Variants in SIPA1L2 observed in about 807,000 individuals in gnomAD.
SIPA1L2 encodes signal induced proliferation associated 1 like 2, also known as signal-induced proliferation-associated 1-like protein 2.
In SIPA1L2, 56 loss-of-function variants were observed where a neutral mutation model predicts 163.9. The ratio of observed to expected loss-of-function variants is 0.34; its 90% CI spans 0.28 to 0.43. The LOEUF is 0.43. Among genes scored for constraint, SIPA1L2 ranks in the 20% least tolerant of loss-of-function variants. SIPA1L2 has a pLI of 1.00. For missense variants in SIPA1L2, 1,974 were observed against 2,193.5 expected (o/e 0.90, Z 2.00); for synonymous variants, 877 against 865.7 (o/e 1.01, Z -0.23).
intron 1 of SIPA1L2, among the ~76,000 whole-genome samples, chr1:232,593,137 C>T (rs892395473): frequency 6.6e-6 from 1 of 152,092 alleles, no homozygotes; most frequent in African/African-American, 2.4e-5. Context: ...TATTGTATCA[C>T]GTATTTACAA....
At position 232,461,107 on chromosome 1, in the gene SIPA1L2, C is replaced by T. The variant is rs763613354; in HGVS notation, c.2875G>A (p.Gly959Ser). The T allele has an allele frequency of 1.2e-5, 20 of 1,614,148 alleles. No homozygotes were observed. The South Asian group carries it at 1.8e-4, about 14-fold the overall frequency. Reference sequence around the variant, plus strand: ...AAATTCACATGGAAGCCAAGCTGGCCCAGCCCGTTCCTCCTCAGGGTCATT... The same window carrying T: ...AAATTCACATGGAAGCCAAGCTGGCTCAGCCCGTTCCTCCTCAGGGTCATT... ...VEMTLRRNGL[G>S]QLGFHVNFEG... The change falls in exon 10 of 23, where the codon GGC becomes AGC. Residue 959 changes from glycine (G) to serine (S), a missense_variant. This residue lies in a region of SIPA1L2 where 1,079 missense variants were observed against 1,150.7 expected (regional missense o/e 0.94). Transcript: ENST00000674635.
At chr1:232,425,521 A>G (rs1429050250) in intron 18 of SIPA1L2, 68 bp downstream of exon 18, 1 of 1,242,700 alleles carries the variant, frequency 8.0e-7, no homozygotes. Context: ...TCAGAGCTCA[A>G]TGAGGCAGGA....
intron 2 of SIPA1L2, among the ~76,000 whole-genome samples, chr1:232,545,948 T>C (rs1158882827): frequency 4.6e-5 from 7 of 152,250 alleles, no homozygotes; most frequent in Non-Finnish European, 1.0e-4. Context: ...GTAAATTATG[T>C]ACAGACCAAG....
chr1:232,403,894 T>C (rs1472363701), intron 20 of SIPA1L2, among the ~76,000 whole-genome samples: 2 of 152,118 alleles, frequency 1.3e-5, no homozygotes, highest in African/African-American at 2.4e-5. Flanking sequence ...TGGCTATGCA[T>C]GAAATAATAG....
intron 3 of SIPA1L2, among the ~76,000 whole-genome samples, chr1:232,506,554 T>C (rs536156043): frequency 1.3e-5 from 2 of 152,334 alleles, no homozygotes; most frequent in African/African-American, 4.8e-5. Flanking sequence ...CAAAAAACGG[T>C]TAAATTGGTA....
In SIPA1L2 at chr1:232,464,888, C is replaced by G; in HGVS notation, c.2772G>C (p.Ser924=). The change falls in exon 9 of 23, where the codon TCG becomes TCC. Residue 924 remains serine (S), a synonymous_variant. Coordinates refer to ENST00000674635, the MANE Select transcript of SIPA1L2 (RefSeq NM_020808.5). ...YERGECVLLS[S]VDNCAEDIRE... is the part of the protein sequence containing the mutation. The stretch of plus-strand genomic sequence containing the variant: ...TGATGTCTTCAGCACAGTTGTCTAC[C>G]GAGGACAGGAGGACACATTCTCCTC... The G allele has an allele frequency of 1.2e-6, 2 of 1,613,470 alleles. No homozygotes were observed. The highest frequency in any genetic ancestry group is 1.7e-6 in the Non-Finnish European group (2 of 1,179,674).
rs775965563 is a variant in SIPA1L2, at chr1:232,491,033, T to G, written c.1647A>C (p.Glu549Asp). The G allele has an allele frequency of 6.2e-7, 1 of 1,613,598 alleles. No homozygotes were observed. Among genetic ancestry groups the G allele is most frequent in the Non-Finnish European group, 8.5e-7 (1 of 1,179,826 alleles). Residue 549 changes from glutamate to aspartate, a missense_variant, in exon 5 of 23, where the codon GAA (glutamate) becomes GAC (aspartate). Glu to Asp is a conservative substitution (Grantham distance 45). Transcript: ENST00000674635. ...GCCTAGCAGTAGAGGGTATAGCATC[T>G]TCTAAAATTGCTCCTCTCAGTGTTG... ...ELTTLRGAIL[E>D]DAIPSTARHG... is the part of the protein sequence containing the mutation.
Position 232,616,318 on chromosome 1 carries a change from T to C in SIPA1L2, c.-319+13551A>G, listed in dbSNP as rs560454554. Among the ~76,000 whole-genome samples the C allele has an allele frequency of 5.3e-5, 8 of 152,322 alleles. 1 individual carries two copies. In the South Asian group the frequency reaches 1.7e-3, roughly 32 times the overall value. ...CAAAGCAGAACCAAACAATTGGCAATGCTAATTCCACAAGACTAGAACAGA... is the reference window on the plus strand; with the variant it reads ...CAAAGCAGAACCAAACAATTGGCAACGCTAATTCCACAAGACTAGAACAGA... On this transcript the variant is annotated intron_variant, in intron 1 of 22. Coordinates refer to ENST00000674635, the MANE Select transcript of SIPA1L2 (RefSeq NM_020808.5).
intron 1 of SIPA1L2, among the ~76,000 whole-genome samples, chr1:232,597,178 T>C (rs1192966912): frequency 1.3e-5 from 2 of 152,084 alleles, no homozygotes; most frequent in African/African-American, 4.8e-5. Flanking sequence ...AAAGGGCACT[T>C]AACCTAACAA....
intron 19 of SIPA1L2, among the ~76,000 whole-genome samples, chr1:232,414,826 C>CT (rs1661155558): frequency 6.6e-6 from 1 of 152,202 alleles, no homozygotes; most frequent in Non-Finnish European, 1.5e-5. Context: ...TGAGGCTGCA[C>CT]GTGAAGCAAG....
chr1:232,456,792 C>T (rs1169784523), intron 10 of SIPA1L2, among the ~76,000 whole-genome samples: 1 of 152,184 alleles, frequency 6.6e-6, no homozygotes, highest in African/African-American at 2.4e-5. Flanking sequence ...ATCTTTGCCA[C>T]AGAGACTGTC....
In SIPA1L2 at chr1:232,398,954, G is replaced by A. The variant is rs75384459; in HGVS notation, c.*173C>T. On this transcript the variant is annotated 3_prime_UTR_variant, in exon 23 of 23. Transcript: ENST00000674635. Reference sequence around the variant, plus strand: ...TCACATCGGCGCTGCTCTCTGCCGTGGTTACCGAGAAAGAGTCGAGGCTCC... The same window carrying A: ...TCACATCGGCGCTGCTCTCTGCCGTAGTTACCGAGAAAGAGTCGAGGCTCC... 2.1e-4 allele frequency: 164 copies of A among 783,116 alleles called. No individual in the cohort carries two copies. The African/African-American group carries it at 2.5e-3, about 12-fold the overall frequency. The allele number at this position is 783,116 out of a possible 1,614,324, so 48.5% of individuals were successfully genotyped here.
chr1:232,493,498 C>A, intron 4 of SIPA1L2, 29 bp downstream of exon 4: 1 of 1,613,372 alleles, frequency 6.2e-7, no homozygotes, highest in Non-Finnish European at 8.5e-7. Flanking sequence ...AGACTTTAGC[C>A]CAATAACTAC....
At chr1:232,619,256 T>C (rs192826369) in intron 1 of SIPA1L2, among the ~76,000 whole-genome samples, 5 of 152,364 alleles carry the variant, frequency 3.3e-5, no homozygotes, top group African/African-American at 9.6e-5. Flanking sequence ...TCTATCTTCC[T>C]TGAATGTTTT....
intron 1 of SIPA1L2, among the ~76,000 whole-genome samples, chr1:232,606,121 T>C (rs751654538): frequency 3.3e-5 from 5 of 152,242 alleles, no homozygotes; most frequent in Admixed American, 6.5e-5. Flanking sequence ...TACAATTTGA[T>C]AGATACTAAA....
In SIPA1L2 at chr1:232,445,580, G is replaced by T; in HGVS notation, c.3302C>A (p.Ala1101Asp). 6.2e-7 allele frequency: 1 copy of T among 1,614,002 alleles called. No individual in the cohort carries two copies. Among genetic ancestry groups the T allele is most frequent in the African/African-American group, 1.3e-5 (1 of 75,042 alleles). Residue 1101 changes from alanine to aspartate, a missense_variant, in exon 11 of 23, where the codon GCT (alanine) becomes GAT (aspartate). Ala to Asp is a moderately radical substitution (Grantham distance 126). Around this residue, in one of 3 missense-constraint regions of SIPA1L2, gnomAD observed 1,079 missense variants for 1,150.7 expected, o/e 0.94. Coordinates refer to ENST00000674635, the MANE Select transcript of SIPA1L2 (RefSeq NM_020808.5). ...PCQQLLQQAQ[A>D]AIPRSTSFDR... is the part of the protein sequence containing the mutation. ...GAAGGAGGTGCTTCGAGGAATGGCA[G>T]CCTGGGCCTGCTGGAGCAGCTGTTG...
intron 7 of SIPA1L2, among the ~76,000 whole-genome samples, chr1:232,476,386 A>T (rs1665049018): frequency 6.6e-6 from 1 of 152,214 alleles, no homozygotes; most frequent in African/African-American, 2.4e-5. Flanking sequence ...GCATACATTA[A>T]AAAATAGGTT....
chr1:232,523,481 G>A (rs1667547298), intron 2 of SIPA1L2, among the ~76,000 whole-genome samples: 1 of 152,004 alleles, frequency 6.6e-6, no homozygotes, highest in African/African-American at 2.4e-5. Flanking sequence ...TTATGTCTGA[G>A]GAAAACACAG....
At chr1:232,462,476 TACC>T in intron 9 of SIPA1L2, 9 of 992,820 alleles carry the variant, frequency 9.1e-6, no homozygotes, top group South Asian at 1.9e-5. Context: ...TTTCCATGGT[TACC>T]ACAAGTGCAC....
Sources: gnomAD v4.1 joint callset for allele counts (sites outside exome capture counted in the v4.1 genomes callset) on GRCh38, gnomAD v4.1.1 for gene constraint, gnomAD v4.1.1 regional missense constraint, MANE v1.5 for transcripts, NCBI Gene and HGNC (gene_info 2026-07-23, HGNC 2026-07-21) for gene names.